Variants in WDR35 observed in about 807,000 individuals in gnomAD.
WDR35 encodes the protein WD repeat domain 35, also known as WD repeat-containing protein 35.
WDR35 carries 118 observed loss-of-function variants against 158.3 expected under a neutral mutation model. The observed-to-expected ratio is 0.75, with a 90% confidence interval of 0.64 to 0.87. The LOEUF (loss-of-function observed/expected upper bound fraction) is 0.87. Among genes scored for constraint, WDR35 ranks in the 40% least tolerant of loss-of-function variants. The pLI is 0.00. For synonymous variants in WDR35, 448 were observed against 476.1 expected (o/e 0.94, Z 0.77); for missense variants, 1,263 against 1,405.8 (o/e 0.90, Z 1.62).
In WDR35 at chr2:19,953,889, G is replaced by C; in HGVS notation, c.1345C>G (p.Leu449Val). The stretch of plus-strand genomic sequence containing the variant: ...ATCTGATTAATTTCCAATGCTGTGA[G>C]CTTCTTTGCCACACGATATTGCCAG... ...YTWQYRVAKK[L>V]TALEINQITR... The change falls in exon 12 of 27, where the codon CTC becomes GTC. Residue 449 changes from leucine to valine, a missense_variant. Leu to Val is a conservative substitution (Grantham distance 32, BLOSUM62 1). Transcript: ENST00000281405. 6.2e-7 allele frequency: 1 copy of C among 1,614,086 alleles called. No individual in the cohort carries two copies. Among genetic ancestry groups the C allele is most frequent in the South Asian group, 1.1e-5 (1 of 91,072 alleles).
rs1173563587 is a variant in WDR35, at chr2:19,980,710, A to G, written c.288T>C (p.Ile96=). 10 of 1,613,700 alleles carry G rather than the reference A, an allele frequency of 6.2e-6. No individual in the cohort carries two copies. Among genetic ancestry groups the G allele is most frequent in the Non-Finnish European group, 7.6e-6 (9 of 1,179,690 alleles). The change falls in exon 4 of 27, where the codon ATT becomes ATC. Residue 96 remains isoleucine, a synonymous_variant. Coordinates refer to ENST00000281405, the MANE Select transcript of WDR35 (RefSeq NM_020779.4). ...GTATACCTTTATATAACATCCACAC[A>G]ATGATAAGCCCGTTTTCATCACTGG... ...LTTSDENGLI[I]VWMLYKGSWI...
At position 19,933,248 on chromosome 2, in the gene WDR35, C is replaced by T. The variant is rs78685213; in HGVS notation, c.2658+153G>A. On this transcript the variant is annotated intron_variant, in intron 22 of 26. Coordinates refer to ENST00000281405, the MANE Select transcript of WDR35 (RefSeq NM_020779.4). ...TTCTTCATCCTCAATTAAGAGAATA[C>T]CCGCCTGGCTCCTTTCATAAAATTC... is the stretch of plus-strand genomic sequence containing the variant. 0.035 allele frequency among the ~76,000 whole-genome samples: 5,360 copies of T among 152,258 alleles called. 310 individuals are homozygous for T. Among genetic ancestry groups the T allele is most frequent in the African/African-American group, 0.12 (5,009 of 41,534 alleles).
At chr2:19,958,863 G>A (rs998250821) in intron 11 of WDR35, among the ~76,000 whole-genome samples, 2 of 152,050 alleles carry the variant, frequency 1.3e-5, no homozygotes, top group African/African-American at 4.8e-5. Context: ...GTATAACAGA[G>A]TCCCACAAAC....
At chr2:19,969,809 G>A (rs1432564138) in intron 8 of WDR35, among the ~76,000 whole-genome samples, 2 of 150,206 alleles carry the variant, frequency 1.3e-5, no homozygotes, top group East Asian at 3.9e-4. Flanking sequence ...GTGCAGTGGC[G>A]TGATCTCGGC....
rs111645275 is a variant in WDR35, at chr2:19,921,154, C to A, written c.3122-6877G>T. ...CAATATCATCAAAATGGCCATACTG[C>A]CCAAAGTAATTTATAGATTCAATGC... On this transcript the variant is annotated intron_variant, in intron 25 of 26. Transcript: ENST00000281405. Among the ~76,000 whole-genome samples the A allele has an allele frequency of 1.5e-3, 224 of 152,284 alleles. 2 individuals are homozygous for A. Among genetic ancestry groups the A allele is most frequent in the African/African-American group, 5.1e-3 (210 of 41,562 alleles).
chr2:19,937,386 A>C (rs1262894042), intron 19 of WDR35, among the ~76,000 whole-genome samples: 1 of 152,228 alleles, frequency 6.6e-6, no homozygotes, highest in Non-Finnish European at 1.5e-5. Flanking sequence ...TCTTGACAAC[A>C]TAAAATTAAA....
At chr2:19,983,238 T>C (rs1672446152) in intron 2 of WDR35, among the ~76,000 whole-genome samples, 1 of 151,830 alleles carries the variant, frequency 6.6e-6, no homozygotes, top group Non-Finnish European at 1.5e-5. Flanking sequence ...CCAGGAAAGG[T>C]AGAGAAAGAA....
chr2:19,966,606 G>A, intron 10 of WDR35, 118 bp downstream of exon 10: 2 of 1,198,320 alleles, frequency 1.7e-6, no homozygotes, highest in Non-Finnish European at 2.4e-6. Flanking sequence ...GACCAATAGT[G>A]CCAACAGACC....
chr2:19,978,885 T>C lies in WDR35; in HGVS notation c.308-6A>G. On this transcript the variant is annotated splice_polypyrimidine_tract_variant and splice_region_variant and intron_variant, in intron 4 of 26. Coordinates refer to ENST00000281405, the MANE Select transcript of WDR35 (RefSeq NM_020779.4). ...CATCTCCTCAATCCAAGAGCCTGTT[T>C]TCACAAATTTAAAAAATTACAAGTC... 3 of 1,613,460 alleles carry C rather than the reference T, an allele frequency of 1.9e-6. No individual in the cohort carries two copies. Among genetic ancestry groups the C allele is most frequent in the Non-Finnish European group, 2.5e-6 (3 of 1,179,716 alleles).
intron 12 of WDR35, among the ~76,000 whole-genome samples, chr2:19,952,204 C>A (rs1671260631): frequency 6.6e-6 from 1 of 152,114 alleles, no homozygotes; most frequent in Non-Finnish European, 1.5e-5. Flanking sequence ...GTCTATTATT[C>A]CACACTTTAT....
chr2:19,972,794 G>C (rs79025424), intron 8 of WDR35, among the ~76,000 whole-genome samples: 1 of 151,874 alleles, frequency 6.6e-6, no homozygotes, highest in African/African-American at 2.4e-5. Context: ...AGTCTATGGC[G>C]AATTTATAAA....
intron 2 of WDR35, among the ~76,000 whole-genome samples, chr2:19,988,858 C>G (rs946097617): frequency 1.3e-5 from 2 of 152,222 alleles, no homozygotes; most frequent in Non-Finnish European, 2.9e-5. Context: ...TGTTGACTCA[C>G]AGGATTTCTT....
intron 15 of WDR35, 130 bp downstream of exon 15, chr2:19,946,331 A>T (rs1226529242): frequency 9.5e-6 from 8 of 839,284 alleles, no homozygotes; most frequent in African/African-American, 6.8e-5. Flanking sequence ...TATAAAATAA[A>T]ACCATACTGA....
chr2:19,971,731 A>C, intron 8 of WDR35, among the ~76,000 whole-genome samples: 1 of 152,194 alleles, frequency 6.6e-6, no homozygotes, highest in Non-Finnish European at 1.5e-5. Context: ...AGCCCTCTAC[A>C]GTACTCTTGG....
At chr2:19,944,551 T>A (rs893392) in intron 16 of WDR35, among the ~76,000 whole-genome samples, 110 of 152,252 alleles carry the variant, frequency 7.2e-4, no homozygotes, top group African/African-American at 2.6e-3. Flanking sequence ...GGATTACCTG[T>A]CAAATTCCCA....
chr2:19,964,384 T>C (rs1671773188), intron 10 of WDR35, among the ~76,000 whole-genome samples: 1 of 146,664 alleles, frequency 6.8e-6, no homozygotes, highest in African/African-American at 2.5e-5. Flanking sequence ...TTCTTTTCTT[T>C]TTTTTTTTTT....
rs1669932692 is a variant in WDR35, at chr2:19,914,353, GT to G, written c.3122-77del. On this transcript the variant is annotated intron_variant, in intron 25 of 26. Coordinates refer to ENST00000281405, the MANE Select transcript of WDR35 (RefSeq NM_020779.4). ...ATGAACATGCAAAAGAAGAATCTAA[GT>G]TAAGGTGATTTCATTGAACTTGCAT... is the stretch of plus-strand genomic sequence containing the variant. The G allele has an allele frequency of 2.5e-6, 4 of 1,588,314 alleles. No individual in the cohort carries two copies. The South Asian group carries it at 4.5e-5, about 18-fold the overall frequency.
At chr2:19,981,615 T>G (rs189211295) in intron 3 of WDR35, among the ~76,000 whole-genome samples, 98 of 152,220 alleles carry the variant, frequency 6.4e-4, no homozygotes, top group Middle Eastern at 3.4e-3. Flanking sequence ...ACTCATGAGC[T>G]CAAGCGATCC....
At chr2:19,929,323 T>G (rs1370090908) in intron 25 of WDR35, among the ~76,000 whole-genome samples, 1 of 152,232 alleles carries the variant, frequency 6.6e-6, no homozygotes, top group Non-Finnish European at 1.5e-5. Flanking sequence ...CTAAAAGTTT[T>G]CTTTTAATAT....
Sources: gnomAD v4.1 joint callset for allele counts (sites outside exome capture counted in the v4.1 genomes callset) on GRCh38, gnomAD v4.1.1 for gene constraint, MANE v1.5 for transcripts, NCBI Gene and HGNC (gene_info 2026-07-23, HGNC 2026-07-21) for gene names.